CDK13: variants seen among roughly 807,000 people sequenced by gnomAD.
The protein encoded by CDK13 is cyclin dependent kinase 13, also known as cyclin-dependent kinase 13.
In CDK13, 40 loss-of-function variants were observed where a neutral mutation model predicts 137.6. The observed-to-expected ratio is 0.29, with a 90% confidence interval of 0.23 to 0.38. The LOEUF is 0.38. Ranked by LOEUF, CDK13 falls within the 10% of genes least tolerant of loss-of-function variation. The pLI, the probability that CDK13 is intolerant of heterozygous loss-of-function variation, is 1.00. For missense variants in CDK13, 1,704 were observed against 1,951.8 expected, an observed-to-expected ratio of 0.87 and a Z score of 2.39; for synonymous variants, 869 against 760.1, an observed-to-expected ratio of 1.14 and a Z score of -2.36.
intron 5 of CDK13, among the ~76,000 whole-genome samples, chr7:40,026,607 T>C (rs183670936): frequency 3.6e-4 from 55 of 152,372 alleles, no homozygotes; most frequent in African/African-American, 1.3e-3. Context: ...CCATAAAATT[T>C]ATTCACTTTG....
At chr7:40,033,366 TTAG>T (rs892186029) in intron 5 of CDK13, among the ~76,000 whole-genome samples, 2 of 152,216 alleles carry the variant, frequency 1.3e-5, no homozygotes, top group East Asian at 1.9e-4. Flanking sequence ...TTTAAAAAAA[TTAG>T]TAGTCTGATA....
intron 1 of CDK13, among the ~76,000 whole-genome samples, chr7:39,953,215 T>TA (rs1033691799): frequency 2.0e-5 from 3 of 152,210 alleles, no homozygotes; most frequent in Admixed American, 6.5e-5. Context: ...GCTTCACTCT[T>TA]AAAGAGTGTT....
At chr7:40,034,918 G>A (rs1785450071) in intron 5 of CDK13, among the ~76,000 whole-genome samples, 1 of 151,996 alleles carries the variant, frequency 6.6e-6, no homozygotes. Flanking sequence ...CTTTATTTGT[G>A]GACATTGACA....
In CDK13 at chr7:40,094,747, G is replaced by T; in HGVS notation, c.4306G>T (p.Val1436Phe). 2 of 1,613,914 alleles carry T rather than the reference G, an allele frequency of 1.2e-6. No homozygotes were observed. The highest frequency in any genetic ancestry group is 2.2e-5 in the East Asian group (1 of 44,872). Residue 1436 changes from valine to phenylalanine, a missense_variant, in exon 14 of 14, where the codon GTC becomes TTC. Coordinates refer to ENST00000181839, the MANE Select transcript of CDK13 (RefSeq NM_003718.5). ...TGAATATAGCCATGGTCCTATTGCAGTCCTGGCAAACAGCAGTGACCCTTC... is the reference window on the plus strand; with the variant it reads ...TGAATATAGCCATGGTCCTATTGCATTCCTGGCAAACAGCAGTGACCCTTC... ...RFEYSHGPIA[V>F]LANSSDPSTG...
rs555575926 is a variant in CDK13, at chr7:40,078,869, C to CTATTATTATTATA, written c.3029+33_3029+45dup. The CTATTATTATTATA allele has an allele frequency of 8.7e-7, 1 of 1,146,832 alleles. No individual in the cohort carries two copies. The highest frequency in any genetic ancestry group is 1.6e-5 in the African/African-American group (1 of 60,616). 71.0% of individuals were successfully genotyped at this position (1,146,832 alleles called of 1,614,324 possible). A position where few individuals can be genotyped will look rare whatever the true frequency, so the allele number is the denominator to read the frequency against. The stretch of plus-strand genomic sequence containing the variant: ...CCACCAGAGTAAGTGACTTTTTATC[C>CTATTATTATTATA]TATTATTATTATATATTATTATTAT... On this transcript the variant is annotated intron_variant, in intron 11 of 13. Transcript: ENST00000181839.
intron 9 of CDK13, chr7:40,073,203 A>G (rs113356303): frequency 9.2e-5 from 14 of 152,190 alleles, no homozygotes; most frequent in African/African-American, 3.1e-4. Context: ...AATGTAACAT[A>G]CCACAGTGAT....
At chr7:40,070,078 A>G in intron 9 of CDK13, 1 of 152,758 alleles carries the variant, frequency 6.5e-6, no homozygotes, top group Non-Finnish European at 1.4e-5. Context: ...AAAAAAAAAA[A>G]AAAAAAAAAA....
chr7:40,017,467 T>C (rs1785027019), intron 5 of CDK13, among the ~76,000 whole-genome samples: 1 of 152,160 alleles, frequency 6.6e-6, no homozygotes, highest in Admixed American at 6.5e-5. Flanking sequence ...ATATTATTGA[T>C]TTTATGGTTT....
chr7:40,015,195 A>G (rs1437539931), intron 5 of CDK13, among the ~76,000 whole-genome samples: 2 of 152,208 alleles, frequency 1.3e-5, no homozygotes, highest in African/African-American at 4.8e-5. Context: ...GTAGAACAGA[A>G]TGTGTTAGAT....
intron 7 of CDK13, among the ~76,000 whole-genome samples, chr7:40,049,621 A>G (rs1785835912): frequency 6.6e-6 from 1 of 152,166 alleles, no homozygotes; most frequent in Non-Finnish European, 1.5e-5. Context: ...TCTACTCTCA[A>G]CAATTTTCAA....
At chr7:40,062,670 A>C in intron 7 of CDK13, 156 bp from the exon 8 acceptor site, 4 of 662,588 alleles carry the variant, frequency 6.0e-6, no homozygotes, top group African/African-American at 3.6e-5. Flanking sequence ...ATGATCTTAT[A>C]TTAGATACCT....
chr7:40,049,329 CAG>C (rs1453353131), intron 7 of CDK13: 3 of 151,120 alleles, frequency 2.0e-5, no homozygotes, highest in South Asian at 2.1e-4. Flanking sequence ...CAACTTTCAC[CAG>C]AGTTACTTGG....
chr7:40,016,995 C>CA (rs1386742160), intron 5 of CDK13, among the ~76,000 whole-genome samples: 1 of 152,018 alleles, frequency 6.6e-6, no homozygotes, highest in African/African-American at 2.4e-5. Context: ...ACACCAGAGT[C>CA]ACGTTTTTTC....
At chr7:39,980,866 C>CT (rs989587254) in intron 1 of CDK13, among the ~76,000 whole-genome samples, 1 of 152,164 alleles carries the variant, frequency 6.6e-6, no homozygotes, top group Non-Finnish European at 1.5e-5. Flanking sequence ...ACTAAATAGT[C>CT]TAACAACGAG....
At chr7:40,009,272 G>A (rs1295313348) in intron 5 of CDK13, among the ~76,000 whole-genome samples, 1 of 152,238 alleles carries the variant, frequency 6.6e-6, no homozygotes, top group Non-Finnish European at 1.5e-5. Context: ...TGGGTGAAAT[G>A]TAGCCTGAAC....
chr7:40,091,005 G>A (rs1786908757), intron 12 of CDK13, among the ~76,000 whole-genome samples: 1 of 150,870 alleles, frequency 6.6e-6, no homozygotes, highest in African/African-American at 2.4e-5. Flanking sequence ...GAGGTCAGGA[G>A]TTCGAGACCA....
At chr7:40,037,052 G>A (rs1785501279) in intron 5 of CDK13, among the ~76,000 whole-genome samples, 1 of 152,142 alleles carries the variant, frequency 6.6e-6, no homozygotes, top group South Asian at 2.1e-4. Flanking sequence ...TTATTGGAGA[G>A]TAGACTGCAT....
intron 5 of CDK13, among the ~76,000 whole-genome samples, chr7:40,032,395 A>G (rs1028782349): frequency 3.3e-5 from 5 of 152,126 alleles, no homozygotes; most frequent in African/African-American, 1.2e-4. Context: ...TTAAATTTTA[A>G]CGCTATCCAA....
intron 11 of CDK13, among the ~76,000 whole-genome samples, chr7:40,079,069 C>G (rs1786607757): frequency 6.6e-6 from 1 of 152,062 alleles, no homozygotes; most frequent in East Asian, 1.9e-4. Context: ...CAGCTGCCTT[C>G]TAGCTAATTT....
Sources: allele counts gnomAD v4.1 joint callset (sites outside exome capture counted in the v4.1 genomes callset), GRCh38; gene constraint gnomAD v4.1.1; transcripts MANE v1.5; gene names NCBI Gene and HGNC (gene_info 2026-07-23, HGNC 2026-07-21).